The following CNTNAP2 variants were observed in gnomAD, a reference collection of about 807,000 sequenced individuals.
CNTNAP2 encodes contactin associated protein 2.
A neutral mutation model predicts 155.2 loss-of-function variants in CNTNAP2; 98 were observed. The ratio of observed to expected loss-of-function variants is 0.63; its 90% CI spans 0.54 to 0.75. The LOEUF is 0.75. Among genes scored for constraint, CNTNAP2 ranks in the 30% least tolerant of loss-of-function variants. The probability of loss-of-function intolerance (pLI) is 0.00; values close to 1 mark genes in which losing one functional copy is unlikely to be tolerated. For missense variants in CNTNAP2, 1,727 were observed against 1,688.1 expected (o/e 1.02, Z -0.40); for synonymous variants, 651 against 631.2 (o/e 1.03, Z -0.47).
intron 11 of CNTNAP2, among the ~76,000 whole-genome samples, chr7:147,522,111 A>G (rs1364265559): frequency 1.3e-5 from 2 of 152,228 alleles, no homozygotes; most frequent in African/African-American, 4.8e-5. Context: ...AAGGGGCACA[A>G]GGAGTATCTC....
chr7:148,103,397 T>A (rs1330416665), intron 15 of CNTNAP2, among the ~76,000 whole-genome samples: 1 of 152,152 alleles, frequency 6.6e-6, no homozygotes, highest in African/African-American at 2.4e-5. Context: ...TTATGCAGTC[T>A]GTCTTTCCCT....
chr7:148,277,798 A>G (rs1796900662), intron 21 of CNTNAP2, among the ~76,000 whole-genome samples: 1 of 147,224 alleles, frequency 6.8e-6, no homozygotes, highest in African/African-American at 2.5e-5. Context: ...AAAAAAGAAA[A>G]AAAGAAAAAA....
chr7:146,619,631 A>T (rs1011075050), intron 1 of CNTNAP2, among the ~76,000 whole-genome samples: 2 of 152,188 alleles, frequency 1.3e-5, no homozygotes, highest in African/African-American at 4.8e-5. Context: ...ATAAATTATA[A>T]ATCCAGGTGT....
intron 14 of CNTNAP2, among the ~76,000 whole-genome samples, chr7:147,916,331 G>A (rs1356748375): frequency 6.6e-6 from 1 of 152,172 alleles, no homozygotes; most frequent in African/African-American, 2.4e-5. Flanking sequence ...CTCATGGATT[G>A]TATCATGACA....
chr7:147,144,179 A>G (rs1801654238), intron 8 of CNTNAP2, among the ~76,000 whole-genome samples: 2 of 152,190 alleles, frequency 1.3e-5, no homozygotes, highest in Non-Finnish European at 2.9e-5. Context: ...TTGATGATCA[A>G]ATCATGTTGT....
At chr7:147,031,666 C>T (rs1799034616) in intron 3 of CNTNAP2, among the ~76,000 whole-genome samples, 1 of 152,176 alleles carries the variant, frequency 6.6e-6, no homozygotes, top group African/African-American at 2.4e-5. Flanking sequence ...GCCTGTAATC[C>T]CAGCACTTTG....
chr7:146,647,087 G>A (rs1173644194), intron 1 of CNTNAP2, among the ~76,000 whole-genome samples: 1 of 152,188 alleles, frequency 6.6e-6, no homozygotes, highest in African/African-American at 2.4e-5. Flanking sequence ...CTTGACTGAG[G>A]GCAGAGTCTG....
At chr7:146,428,048 C>G (rs551609510) in intron 1 of CNTNAP2, among the ~76,000 whole-genome samples, 4 of 152,160 alleles carry the variant, frequency 2.6e-5, no homozygotes, top group Non-Finnish European at 4.4e-5. Context: ...CAGCTCCATC[C>G]GTGTCCCTGC....
chr7:148,207,715 AGGACAT>A (rs1240554067), intron 18 of CNTNAP2, among the ~76,000 whole-genome samples: 1 of 152,206 alleles, frequency 6.6e-6, no homozygotes, highest in Admixed American at 6.5e-5. Context: ...AGGTTTAAGA[AGGACAT>A]GGTTAGACTA....
At chr7:146,631,483 A>T (rs1176313237) in intron 1 of CNTNAP2, among the ~76,000 whole-genome samples, 1 of 152,146 alleles carries the variant, frequency 6.6e-6, no homozygotes, top group Middle Eastern at 3.2e-3. Context: ...TTCTGTCCCA[A>T]GGTAAATCTA....
intron 3 of CNTNAP2, among the ~76,000 whole-genome samples, chr7:146,878,145 T>C (rs747845223): frequency 3.9e-5 from 6 of 152,142 alleles, no homozygotes; most frequent in Non-Finnish European, 5.9e-5. Flanking sequence ...CCACTTCAAT[T>C]TGAGTGGTAG....
At chr7:146,558,511 C>T (rs1250045619) in intron 1 of CNTNAP2, among the ~76,000 whole-genome samples, 1 of 151,990 alleles carries the variant, frequency 6.6e-6, no homozygotes, top group Admixed American at 6.6e-5. Context: ...ACCCTTGAAG[C>T]CATCACCACA....
intron 3 of CNTNAP2, among the ~76,000 whole-genome samples, chr7:146,879,925 A>T (rs576599366): frequency 1.3e-5 from 2 of 152,064 alleles, no homozygotes; most frequent in East Asian, 3.9e-4. Context: ...CAAAAGGCAC[A>T]TCTTACATGG....
At chr7:146,396,496 G>T (rs1285689266) in intron 1 of CNTNAP2, among the ~76,000 whole-genome samples, 1 of 151,868 alleles carries the variant, frequency 6.6e-6, no homozygotes, top group Non-Finnish European at 1.5e-5. Context: ...ACAGTAGATT[G>T]CAATTAGAGT....
At chr7:146,747,044 A>AT (rs1398541510) in intron 1 of CNTNAP2, among the ~76,000 whole-genome samples, 1 of 152,160 alleles carries the variant, frequency 6.6e-6, no homozygotes, top group Non-Finnish European at 1.5e-5. Flanking sequence ...TGTTTAATCC[A>AT]TCTATGTAGC....
intron 10 of CNTNAP2, among the ~76,000 whole-genome samples, chr7:147,449,724 T>C (rs1451395771): frequency 1.3e-5 from 2 of 152,154 alleles, no homozygotes; most frequent in Non-Finnish European, 2.9e-5. Context: ...ATTCTTAGAA[T>C]GGAGCTAGGG....
intron 1 of CNTNAP2, among the ~76,000 whole-genome samples, chr7:146,464,185 C>CTTTTTTTTTTTTTTTTTT (rs1554437059): frequency 1.1e-5 from 1 of 90,884 alleles, no homozygotes; most frequent in African/African-American, 3.6e-5. Context: ...TCCTTTGAAA[C>CTTTTTTTTTTTTTTTTTT]TGTTTTTTTT....
chr7:146,433,868 A>G (rs1485209167), intron 1 of CNTNAP2, among the ~76,000 whole-genome samples: 1 of 152,194 alleles, frequency 6.6e-6, no homozygotes, highest in African/African-American at 2.4e-5. Context: ...GCCCAGTCTT[A>G]CAGGCATAAG....
intron 2 of CNTNAP2, among the ~76,000 whole-genome samples, chr7:146,825,726 G>T (rs1308304291): frequency 6.6e-6 from 1 of 152,160 alleles, no homozygotes; most frequent in Non-Finnish European, 1.5e-5. Context: ...ATTGTCATGA[G>T]ATTTTACTTG....
Sources: allele counts gnomAD v4.1 joint callset (sites outside exome capture counted in the v4.1 genomes callset), GRCh38; gene constraint gnomAD v4.1.1; transcripts MANE v1.5; gene names NCBI Gene and HGNC (gene_info 2026-07-23, HGNC 2026-07-21).